Variants in MAGI2 observed in about 807,000 individuals in gnomAD.
MAGI2 encodes membrane-associated guanylate kinase, WW and PDZ domain-containing protein 2.
In MAGI2, 35 loss-of-function variants were observed where a neutral mutation model predicts 133.3. The observed-to-expected ratio is 0.26, with a 90% CI of 0.20 to 0.35. MAGI2 has a LOEUF of 0.35. MAGI2 is among the 10% of genes least tolerant of loss of function. The pLI is 1.00. For synonymous variants in MAGI2, 729 were observed against 710.6 expected, an observed-to-expected ratio of 1.03 and a Z score of -0.41; for missense variants, 1,636 against 1,863.4, an observed-to-expected ratio of 0.88 and a Z score of 2.25.
At chr7:78,025,515 G>A (rs1808826107) in intron 21 of MAGI2, among the ~76,000 whole-genome samples, 1 of 152,172 alleles carries the variant, frequency 6.6e-6, no homozygotes, top group South Asian at 2.1e-4. Flanking sequence ...AGTGCTTGAT[G>A]AATATTTGAT....
At chr7:78,622,824 T>C (rs1291698394) in intron 3 of MAGI2, among the ~76,000 whole-genome samples, 1 of 152,018 alleles carries the variant, frequency 6.6e-6, no homozygotes, top group Admixed American at 6.6e-5. Context: ...TTAATCCATG[T>C]ATACAATGTG....
In MAGI2 at chr7:78,899,025, C is replaced by T. The variant is rs183176523; in HGVS notation, c.418+108065G>A. On this transcript the variant is annotated intron_variant, in intron 2 of 21. Transcript: ENST00000354212. ...TTTGCACCATGGGAATTAGGAAACA[C>T]TATTAATTAGGGGTTTTTTCTTCTG... 6.8e-4 allele frequency among the ~76,000 whole-genome samples: 103 copies of T among 152,186 alleles called. 1 individual carries two copies. The highest frequency in any genetic ancestry group is 2.3e-3 in the African/African-American group (94 of 41,532).
intron 10 of MAGI2, among the ~76,000 whole-genome samples, chr7:78,247,076 G>T (rs1489248850): frequency 6.6e-6 from 1 of 152,164 alleles, no homozygotes; most frequent in Non-Finnish European, 1.5e-5. Context: ...GTGTCCTGGA[G>T]CCCAGTGCTG....
chr7:78,558,372 T>C (rs1800041760), intron 3 of MAGI2, among the ~76,000 whole-genome samples: 2 of 152,234 alleles, frequency 1.3e-5, no homozygotes, highest in African/African-American at 4.8e-5. Flanking sequence ...TAAGAGTTTT[T>C]ATTTTGATCT....
intron 2 of MAGI2, among the ~76,000 whole-genome samples, chr7:78,864,326 T>C (rs946995994): frequency 5.3e-5 from 8 of 152,238 alleles, no homozygotes; most frequent in Non-Finnish European, 1.0e-4. Context: ...CTTACACGTA[T>C]ACCATTCTAC....
intron 2 of MAGI2, among the ~76,000 whole-genome samples, chr7:78,974,903 G>A (rs368477344): frequency 1.3e-5 from 2 of 151,656 alleles, no homozygotes; most frequent in Admixed American, 1.3e-4. Context: ...TTTAAACAAA[G>A]TTGACTTCAA....
At chr7:78,210,097 AATTATATTTATTAGATCAT>A (rs1201757041) in intron 10 of MAGI2, among the ~76,000 whole-genome samples, 2 of 152,104 alleles carry the variant, frequency 1.3e-5, no homozygotes, top group East Asian at 3.8e-4. Context: ...TTCTATTTGT[AATTATATTTATTAGATCAT>A]ATTTATTAAT....
chr7:78,725,754 G>A (rs1432040806), intron 2 of MAGI2, among the ~76,000 whole-genome samples: 1 of 152,208 alleles, frequency 6.6e-6, no homozygotes, highest in Non-Finnish European at 1.5e-5. Context: ...AGCCGAGATT[G>A]CGCCACTGCG....
At chr7:78,510,786 G>A (rs956577508) in intron 4 of MAGI2, among the ~76,000 whole-genome samples, 6 of 152,138 alleles carry the variant, frequency 3.9e-5, no homozygotes, top group Admixed American at 6.6e-5. Flanking sequence ...GGCTGCTACC[G>A]AGCTACAAAC....
intron 2 of MAGI2, among the ~76,000 whole-genome samples, chr7:78,632,435 T>C (rs985244558): frequency 2.6e-5 from 4 of 152,132 alleles, no homozygotes; most frequent in African/African-American, 9.7e-5. Flanking sequence ...CCCACAATAC[T>C]TGTAGGCTGT....
At chr7:79,009,044 G>C (rs1477928351) in intron 1 of MAGI2, 2 of 151,652 alleles carry the variant, frequency 1.3e-5, no homozygotes, top group African/African-American at 4.8e-5. Flanking sequence ...TAATATGTGG[G>C]ACATACCAAG....
rs34088845 is a variant in MAGI2, at chr7:78,627,127, A to G, written c.531T>C (p.Thr177=). 1.6e-3 allele frequency: 2,605 copies of G among 1,583,228 alleles called. 46 individuals carry two copies. In the African/African-American group the frequency reaches 0.032, roughly 19 times the overall value. ...EKSGALLESG[T]YEDNYYGTPK... ...CAGGAACGTTGTGCTTACCTTCATA[A>G]GTCCCACTTTCTAGGAGAGCACCAC... Residue 177 remains threonine, a synonymous_variant, in exon 3 of 22, where the codon ACT becomes ACC. Coordinates refer to ENST00000354212, the MANE Select transcript of MAGI2 (RefSeq NM_012301.4).
At position 78,178,022 on chromosome 7, in the gene MAGI2, G is replaced by C; in HGVS notation, c.2392C>G (p.Pro798Ala). Residue 798 changes from proline to alanine, a missense_variant, in exon 14 of 22, where the codon CCT (proline) becomes GCT (alanine). This residue lies in a region of MAGI2 where 920 missense variants were observed against 1,093.5 expected (regional missense o/e 0.84). Coordinates refer to ENST00000354212, the MANE Select transcript of MAGI2 (RefSeq NM_012301.4). ...AAGATTCAACTTACAGGCTGTCCAG[G>C]CTCATCTCCCCCGAGGATTCTGAAG... ...FGFRILGGDEPGQPILIGAVI... is the reference protein window; with the variant it reads ...FGFRILGGDEAGQPILIGAVI... The C allele has an allele frequency of 6.2e-7, 1 of 1,611,298 alleles. No individual in the cohort carries two copies.
In MAGI2 at chr7:78,093,184, G is replaced by A. The variant is rs907168559; in HGVS notation, c.3568-14099C>T. Among the ~76,000 whole-genome samples the A allele has an allele frequency of 1.0e-4, 15 of 148,308 alleles. No individual in the cohort carries two copies. In the East Asian group the frequency reaches 2.0e-3, roughly 20 times the overall value. On this transcript the variant is annotated intron_variant, in intron 20 of 21. Transcript: ENST00000354212. ...AAAAGAAAGTAATGGCAGGTGGGGCGTGGTGGCTCACATCCATAATCCCAA... is the reference window on the plus strand; with the variant it reads ...AAAAGAAAGTAATGGCAGGTGGGGCATGGTGGCTCACATCCATAATCCCAA...
chr7:78,662,089 T>C (rs1390767355), intron 2 of MAGI2, among the ~76,000 whole-genome samples: 1 of 152,182 alleles, frequency 6.6e-6, no homozygotes, highest in African/African-American at 2.4e-5. Context: ...TAGAGTTTTC[T>C]TTAAAAACTT....
rs140288349 is a variant in MAGI2, at chr7:78,613,994, C to T, written c.538+13126G>A. Among the ~76,000 whole-genome samples, 863 of 151,980 alleles carry T rather than the reference C, an allele frequency of 5.7e-3. 10 individuals are homozygous for T. The highest frequency in any genetic ancestry group is 0.015 in the African/African-American group (601 of 41,436). On this transcript the variant is annotated intron_variant, in intron 3 of 21. Coordinates refer to ENST00000354212, the MANE Select transcript of MAGI2 (RefSeq NM_012301.4). ...GTGTGGTGGTGCATGCCTGTAATCCCGGCTACATGGGAGCCTGAGGTAGGA... is the reference window on the plus strand; with the variant it reads ...GTGTGGTGGTGCATGCCTGTAATCCTGGCTACATGGGAGCCTGAGGTAGGA...
At chr7:79,100,473 A>G (rs1268136748) in intron 1 of MAGI2, among the ~76,000 whole-genome samples, 1 of 151,616 alleles carries the variant, frequency 6.6e-6, no homozygotes, top group Admixed American at 6.6e-5. Flanking sequence ...AATCAGGTTA[A>G]TGTACATTAT....
chr7:78,563,356 G>T (rs1230465791), intron 3 of MAGI2, among the ~76,000 whole-genome samples: 1 of 152,144 alleles, frequency 6.6e-6, no homozygotes, highest in African/African-American at 2.4e-5. Flanking sequence ...AATGCTCAAA[G>T]GTCACCTGGG....
At chr7:78,212,451 G>C (rs1164170804) in intron 10 of MAGI2, among the ~76,000 whole-genome samples, 1 of 152,176 alleles carries the variant, frequency 6.6e-6, no homozygotes, top group East Asian at 1.9e-4. Flanking sequence ...ACTTGCTGCA[G>C]CTGCCCTGAA....
Sources: gnomAD v4.1 joint callset for allele counts (sites outside exome capture counted in the v4.1 genomes callset) on GRCh38, gnomAD v4.1.1 for gene constraint, gnomAD v4.1.1 regional missense constraint, MANE v1.5 for transcripts, NCBI Gene and HGNC (gene_info 2026-07-23, HGNC 2026-07-21) for gene names.